Variants in NRIP1 observed in about 807,000 individuals in gnomAD.
NRIP1 encodes nuclear receptor interacting protein 1, also known as nuclear receptor-interacting protein 1.
In NRIP1, 28 loss-of-function variants were observed where a neutral mutation model predicts 75.0. That is an observed-to-expected ratio of 0.37 (90% CI 0.28 to 0.51). NRIP1 has a LOEUF of 0.51. Among genes scored for constraint, NRIP1 ranks in the 20% least tolerant of loss-of-function variants. The probability of loss-of-function intolerance (pLI) is 0.92; values close to 1 mark genes in which losing one functional copy is unlikely to be tolerated. For synonymous variants in NRIP1, 526 were observed against 487.6 expected (o/e 1.08, Z -1.04); for missense variants, 1,435 against 1,343.7 (o/e 1.07, Z -1.06).
At chr21:15,043,860 C>T (rs1410277269) in intron 1 of NRIP1, among the ~76,000 whole-genome samples, 2 of 152,130 alleles carry the variant, frequency 1.3e-5, no homozygotes, top group African/African-American at 4.8e-5. Flanking sequence ...CCTCTGTCAC[C>T]CAGGCTGGAG....
chr21:15,031,027 A>ACACTCTGGAAGG (rs1299663217), intron 2 of NRIP1, among the ~76,000 whole-genome samples: 3 of 79,646 alleles, frequency 3.8e-5, no homozygotes, highest in Admixed American at 3.1e-4. Flanking sequence ...CTATGTGTAT[A>ACACTCTGGAAGG]CTCTGGAAGG....
intron 1 of NRIP1, among the ~76,000 whole-genome samples, chr21:15,063,981 T>C (rs1978588678): frequency 6.6e-6 from 1 of 152,190 alleles, no homozygotes; most frequent in African/African-American, 2.4e-5. Flanking sequence ...CAACTCCTGA[T>C]CAAAATTGGG....
intron 3 of NRIP1, among the ~76,000 whole-genome samples, chr21:15,008,586 G>A (rs1483242311): frequency 6.6e-6 from 1 of 151,914 alleles, no homozygotes; most frequent in Non-Finnish European, 1.5e-5. Context: ...GCACATTCTA[G>A]GTCTAGACAT....
At chr21:15,036,304 C>CA (rs2088831831) in intron 2 of NRIP1, among the ~76,000 whole-genome samples, 1 of 152,180 alleles carries the variant, frequency 6.6e-6, no homozygotes, top group Non-Finnish European at 1.5e-5. Flanking sequence ...ATCCCAATTG[C>CA]ACATCATATT....
chr21:14,968,337 T>C lies in NRIP1; in HGVS notation c.-145A>G. On this transcript the variant is annotated 5_prime_UTR_variant, in exon 4 of 4. Coordinates refer to ENST00000318948, the MANE Select transcript of NRIP1 (RefSeq NM_003489.4). Reference sequence around the variant, plus strand: ...GAGAGAGACGTACTGTTACATTCTGTCCAAGATTTCTTCTGGCAATGACAA... The same window carrying C: ...GAGAGAGACGTACTGTTACATTCTGCCCAAGATTTCTTCTGGCAATGACAA... 6.3e-6 allele frequency: 4 copies of C among 631,472 alleles called. No individual in the cohort carries two copies. Among genetic ancestry groups the C allele is most frequent in the Non-Finnish European group, 8.4e-6 (3 of 357,212 alleles). 39.1% of individuals were successfully genotyped at this position (631,472 alleles called of 1,614,324 possible).
chr21:14,998,925 C>G (rs2087792177), intron 3 of NRIP1, among the ~76,000 whole-genome samples: 1 of 152,156 alleles, frequency 6.6e-6, no homozygotes, highest in Admixed American at 6.5e-5. Context: ...AATGTTTTAA[C>G]TGCACAGTGG....
chr21:15,021,321 C>G (rs1322079522), intron 2 of NRIP1, among the ~76,000 whole-genome samples: 1 of 152,136 alleles, frequency 6.6e-6, no homozygotes, highest in African/African-American at 2.4e-5. Flanking sequence ...AAAAAGATAT[C>G]TATATTGTAT....
intron 3 of NRIP1, among the ~76,000 whole-genome samples, chr21:15,002,704 T>C (rs1314194634): frequency 6.6e-6 from 1 of 152,192 alleles, no homozygotes; most frequent in African/African-American, 2.4e-5. Flanking sequence ...TAACCATTTT[T>C]AAAACTAGGC....
At chr21:14,968,690 G>A (rs1182359407) in intron 3 of NRIP1, among the ~76,000 whole-genome samples, 164 bp from the exon 4 acceptor site, 2 of 152,018 alleles carry the variant, frequency 1.3e-5, no homozygotes, top group East Asian at 1.9e-4. Flanking sequence ...TTTTATTGCC[G>A]TTCCTATTCA....
intron 3 of NRIP1, among the ~76,000 whole-genome samples, chr21:15,013,630 A>C (rs1281373071): frequency 1.3e-5 from 2 of 152,212 alleles, no homozygotes; most frequent in African/African-American, 2.4e-5. Flanking sequence ...CAAGAGCTTA[A>C]GACATGACAA....
chr21:15,045,434 C>T (rs1311051995), intron 1 of NRIP1, among the ~76,000 whole-genome samples: 1 of 152,156 alleles, frequency 6.6e-6, no homozygotes, highest in Non-Finnish European at 1.5e-5. Flanking sequence ...TGTGCAAAAG[C>T]TTTATGTCGA....
chr21:14,996,548 C>T (rs1322088630), intron 3 of NRIP1, among the ~76,000 whole-genome samples: 4 of 152,160 alleles, frequency 2.6e-5, no homozygotes, highest in East Asian at 3.9e-4. Flanking sequence ...TAGCAGAGCA[C>T]CTCGGAGATC....
intron 2 of NRIP1, among the ~76,000 whole-genome samples, chr21:15,035,698 A>C (rs1417700620): frequency 2.6e-5 from 4 of 151,748 alleles, no homozygotes; most frequent in Non-Finnish European, 5.9e-5. Context: ...CTGGGATTAC[A>C]GTTGTGTGCC....
At position 14,965,332 on chromosome 21, in the gene NRIP1, C is replaced by T; in HGVS notation, c.2861G>A (p.Ser954Asn). The T allele has an allele frequency of 6.2e-7, 1 of 1,613,986 alleles. No individual in the cohort carries two copies. The highest frequency in any genetic ancestry group is 8.5e-7 in the Non-Finnish European group (1 of 1,179,918). The change falls in exon 4 of 4, where the codon AGT becomes AAT. Residue 954 changes from serine (S) to asparagine (N), a missense_variant. Ser to Asn is a conservative substitution (Grantham distance 46). Transcript: ENST00000318948. ...NCVRDLSPHR[S>N]NSVADSKKKG... Reference sequence around the variant, plus strand: ...CTTTTTACTGTCAGCCACAGAGTTACTTCTGTGCGGGGACAAATCTCGCAC... The same window carrying T: ...CTTTTTACTGTCAGCCACAGAGTTATTTCTGTGCGGGGACAAATCTCGCAC...
chr21:14,969,009 C>T (rs1026584846), intron 3 of NRIP1, among the ~76,000 whole-genome samples: 2 of 152,144 alleles, frequency 1.3e-5, no homozygotes, highest in Non-Finnish European at 1.5e-5. Context: ...TTGAGGCCAA[C>T]AGAACAGATT....
At chr21:14,990,795 T>A (rs779108510) in intron 3 of NRIP1, among the ~76,000 whole-genome samples, 3 of 152,168 alleles carry the variant, frequency 2.0e-5, no homozygotes, top group Non-Finnish European at 4.4e-5. Context: ...AAAGGGACCC[T>A]GATACAGCTA....
rs753979856 is a variant in NRIP1, at chr21:14,965,171, T to G, written c.3022A>C (p.Thr1008Pro). 1 of 1,612,808 alleles carries G rather than the reference T, an allele frequency of 6.2e-7. No homozygotes were observed. The highest frequency in any genetic ancestry group is 8.5e-7 in the Non-Finnish European group (1 of 1,179,836). ...RTFSYPGVVK[T>P]PVSPTFPEHL... is the part of the protein sequence containing the mutation. ...TCAGGGAAAGTAGGACTCACAGGAGTTTTTACTACACCTGGGTATGAAAAT... is the reference window on the plus strand; with the variant it reads ...TCAGGGAAAGTAGGACTCACAGGAGGTTTTACTACACCTGGGTATGAAAAT... Residue 1008 changes from threonine to proline, a missense_variant, in exon 4 of 4, where the codon ACT becomes CCT. Transcript: ENST00000318948.
rs762672627 is a variant in NRIP1, at chr21:14,964,737, C to T, written c.3456G>A (p.Thr1152=). Residue 1152 remains threonine (T), a synonymous_variant, in exon 4 of 4, where the codon ACG becomes ACA. Transcript: ENST00000318948. ...CATTTTATTCTGATTCTTTCTTTAT[C>T]GTTAGCACGCTTCCCAGAAGTCCAT... ...EVYGLLGSVL[T]IKKESE 26 of 1,553,152 alleles carry T rather than the reference C, an allele frequency of 1.7e-5. No homozygotes were observed. Among genetic ancestry groups the T allele is most frequent in the African/African-American group, 4.2e-5 (3 of 72,222 alleles).
At chr21:15,018,164 A>T (rs1169366890) in intron 2 of NRIP1, among the ~76,000 whole-genome samples, 1 of 152,232 alleles carries the variant, frequency 6.6e-6, no homozygotes, top group Non-Finnish European at 1.5e-5. Context: ...AATATTATAC[A>T]ATCTTTAAAA....
Sources: gnomAD v4.1 joint callset for allele counts (sites outside exome capture counted in the v4.1 genomes callset) on GRCh38, gnomAD v4.1.1 for gene constraint, MANE v1.5 for transcripts, NCBI Gene and HGNC (gene_info 2026-07-23, HGNC 2026-07-21) for gene names.